EFHD1: variants seen among roughly 807,000 people sequenced by gnomAD.
EFHD1 encodes EF-hand domain-containing protein D1.
Under a neutral mutation model 17.2 loss-of-function variants are expected in EFHD1, and 10 were observed. The ratio of observed to expected loss-of-function variants is 0.58; its 90% CI spans 0.36 to 0.99. The LOEUF is 0.99. Among genes scored for constraint, EFHD1 ranks in the 50% least tolerant of loss-of-function variants. The pLI, the probability that EFHD1 is intolerant of heterozygous loss-of-function variation, is 0.01. For missense variants in EFHD1, 310 were observed against 327.5 expected, an observed-to-expected ratio of 0.95 and a Z score of 0.41; for synonymous variants, 153 against 142.0, an observed-to-expected ratio of 1.08 and a Z score of -0.55.
intron 2 of EFHD1, among the ~76,000 whole-genome samples, chr2:232,665,425 A>G (rs1694951392): frequency 6.6e-6 from 1 of 151,316 alleles, no homozygotes; most frequent in African/African-American, 2.4e-5. Context: ...GTATTATATT[A>G]ACTTTTTTTT....
chr2:232,643,512 A>G (rs1347043437), intron 1 of EFHD1, among the ~76,000 whole-genome samples: 2 of 149,720 alleles, frequency 1.3e-5, no homozygotes, highest in South Asian at 2.1e-4. Context: ...GGCTCAAGCC[A>G]TCCTTCTGCC....
At chr2:232,643,453 G>T (rs541088985) in intron 1 of EFHD1, among the ~76,000 whole-genome samples, 76 of 152,220 alleles carry the variant, frequency 5.0e-4, no homozygotes, top group Non-Finnish European at 7.8e-4. Flanking sequence ...TGTCACCCAG[G>T]CTGGAGTGAA....
intron 2 of EFHD1, among the ~76,000 whole-genome samples, chr2:232,664,876 G>A (rs560659527): frequency 6.6e-6 from 1 of 151,706 alleles, no homozygotes; most frequent in Admixed American, 6.6e-5. Flanking sequence ...GCCTCCCAAA[G>A]TGCTGGGATT....
intron 2 of EFHD1, among the ~76,000 whole-genome samples, chr2:232,669,013 C>T (rs1022300426): frequency 1.3e-5 from 2 of 152,114 alleles, no homozygotes; most frequent in Non-Finnish European, 1.5e-5. Context: ...CTCTTTGCCT[C>T]GTGGAGCAAG....
At chr2:232,640,491 T>C (rs1286672009) in intron 1 of EFHD1, among the ~76,000 whole-genome samples, 1 of 152,206 alleles carries the variant, frequency 6.6e-6, no homozygotes, top group Non-Finnish European at 1.5e-5. Context: ...CATGAGCCCC[T>C]TTCCAACCTG....
chr2:232,643,537 CCAA>C (rs2106199280), intron 1 of EFHD1, among the ~76,000 whole-genome samples: 1 of 151,436 alleles, frequency 6.6e-6, no homozygotes, highest in Non-Finnish European at 1.5e-5. Flanking sequence ...TCCCCGCACC[CCAA>C]CACCTGGCTA....
chr2:232,666,870 T>C (rs1212455025), intron 2 of EFHD1, among the ~76,000 whole-genome samples: 2 of 152,194 alleles, frequency 1.3e-5, no homozygotes, highest in Admixed American at 1.3e-4. Context: ...GGACCAGGGC[T>C]GTGTTCACAG....
chr2:232,621,869 C>T (rs1408251614), intron 1 of EFHD1, among the ~76,000 whole-genome samples: 2 of 152,210 alleles, frequency 1.3e-5, no homozygotes, highest in Non-Finnish European at 2.9e-5. Context: ...AATTCCTCTT[C>T]TCACCCCTCT....
intron 1 of EFHD1, among the ~76,000 whole-genome samples, chr2:232,655,649 G>T (rs1489301973): frequency 6.6e-6 from 1 of 152,164 alleles, no homozygotes; most frequent in South Asian, 2.1e-4. Context: ...TTGCCAGAAG[G>T]CACTTCCTTG....
At chr2:232,639,564 C>A (rs1003214569) in intron 1 of EFHD1, among the ~76,000 whole-genome samples, 2 of 152,132 alleles carry the variant, frequency 1.3e-5, no homozygotes, top group Non-Finnish European at 2.9e-5. Context: ...CCCTGTGGTA[C>A]CCCCTGGACC....
chr2:232,638,562 C>T (rs1694362789), intron 1 of EFHD1: 3 of 422,720 alleles, frequency 7.1e-6, no homozygotes, highest in Non-Finnish European at 1.4e-5. Flanking sequence ...AGTCTTGTCT[C>T]TAAAGGAGAG....
At chr2:232,623,603 G>A (rs535567196) in intron 1 of EFHD1, among the ~76,000 whole-genome samples, 2 of 146,264 alleles carry the variant, frequency 1.4e-5, no homozygotes, top group South Asian at 4.4e-4. Flanking sequence ...GAACCCGAGA[G>A]GCAGAGGTTG....
chr2:232,677,917 T>A (rs989262059), intron 3 of EFHD1, among the ~76,000 whole-genome samples: 3 of 152,274 alleles, frequency 2.0e-5, no homozygotes, highest in African/African-American at 7.2e-5. Context: ...AATGACTTTA[T>A]TAGAATAAAG....
At position 232,682,017 on chromosome 2, in the gene EFHD1, T is replaced by G; in HGVS notation, c.*298T>G. 7 of 308,864 alleles carry G rather than the reference T, an allele frequency of 2.3e-5. No individual in the cohort carries two copies. Among genetic ancestry groups the G allele is most frequent in the East Asian group, 6.4e-5 (1 of 15,520 alleles). 19.1% of individuals were successfully genotyped at this position (308,864 alleles called of 1,614,324 possible). ...TCACTTTGTCCTTGTCCCTTTACCA[T>G]TCCCCATCAAAGAGTAGTCTGCTAT... is the stretch of plus-strand genomic sequence containing the variant. On this transcript the variant is annotated 3_prime_UTR_variant, in exon 4 of 4. Transcript: ENST00000264059.
chr2:232,659,741 T>C (rs1347991675), intron 1 of EFHD1, among the ~76,000 whole-genome samples: 1 of 121,888 alleles, frequency 8.2e-6, no homozygotes, highest in Non-Finnish European at 2.0e-5. Context: ...AACCTGAGAC[T>C]AACTAATTTA....
chr2:232,654,834 T>C (rs1333172873), intron 1 of EFHD1, among the ~76,000 whole-genome samples: 1 of 152,190 alleles, frequency 6.6e-6, no homozygotes, highest in Non-Finnish European at 1.5e-5. Flanking sequence ...CTCCGGCTTA[T>C]GTGGGCTGGG....
At chr2:232,665,569 A>C (rs2106213200) in intron 2 of EFHD1, among the ~76,000 whole-genome samples, 1 of 152,234 alleles carries the variant, frequency 6.6e-6, no homozygotes, top group East Asian at 1.9e-4. Context: ...CTACAGGCGC[A>C]TGCCATCATG....
At chr2:232,662,213 C>T (rs1490541455) in intron 1 of EFHD1, among the ~76,000 whole-genome samples, 1 of 152,070 alleles carries the variant, frequency 6.6e-6, no homozygotes, top group Admixed American at 6.6e-5. Flanking sequence ...TCAGAGCCCT[C>T]TTGGTAGACA....
chr2:232,632,003 C>T (rs1307277840), upstream of EFHD1, among the ~76,000 whole-genome samples: 1 of 136,786 alleles, frequency 7.3e-6, no homozygotes, highest in East Asian at 2.1e-4. Context: ...AACTCCATCT[C>T]AAAAAAAAAA....
Sources: gnomAD v4.1 joint callset for allele counts (sites outside exome capture counted in the v4.1 genomes callset) on GRCh38, gnomAD v4.1.1 for gene constraint, MANE v1.5 for transcripts, NCBI Gene and HGNC (gene_info 2026-07-23, HGNC 2026-07-21) for gene names.